EPM2A: variants seen among roughly 807,000 people sequenced by gnomAD.
EPM2A encodes the protein laforin.
In EPM2A, 21 loss-of-function variants were observed where a neutral mutation model predicts 26.5. The ratio of observed to expected loss-of-function variants is 0.79; its 90% CI spans 0.56 to 1.14. EPM2A has a LOEUF of 1.14. Among genes scored for constraint, EPM2A ranks in the 50% most tolerant of loss-of-function variants. The pLI is 0.00. For synonymous variants in EPM2A, 217 were observed against 177.6 expected (o/e 1.22, Z -1.76); for missense variants, 458 against 440.8 (o/e 1.04, Z -0.35).
chr6:145,484,986 T>C (rs1035798195), intron 4 of EPM2A, among the ~76,000 whole-genome samples: 6 of 104,976 alleles, frequency 5.7e-5, no homozygotes, highest in Non-Finnish European at 1.2e-4. Flanking sequence ...ATTAATGACA[T>C]TAAAATATAT....
intron 1 of EPM2A, chr6:145,705,881 T>C (rs1202497211): frequency 4.4e-6 from 2 of 456,584 alleles, no homozygotes; most frequent in Non-Finnish European, 8.8e-6. Context: ...TCGCCTGCCA[T>C]GCTCCAACAT....
intron 2 of EPM2A, among the ~76,000 whole-genome samples, chr6:145,647,568 G>A (rs1283872662): frequency 3.9e-5 from 6 of 152,124 alleles, no homozygotes; most frequent in Admixed American, 3.9e-4. Flanking sequence ...TTCATCGTCT[G>A]TATTGTGACT....
chr6:145,515,742 A>G (rs1003852784), intron 2 of EPM2A, among the ~76,000 whole-genome samples: 5 of 152,228 alleles, frequency 3.3e-5, no homozygotes, highest in Admixed American at 6.5e-5. Context: ...AACCACAGTA[A>G]GGCACCACAA....
chr6:145,725,931 T>C (rs1776183329), intron 1 of EPM2A, among the ~76,000 whole-genome samples: 2 of 152,096 alleles, frequency 1.3e-5, no homozygotes, highest in African/African-American at 4.8e-5. Context: ...TATAAATGTA[T>C]ATTTCTTTGT....
intron 2 of EPM2A, among the ~76,000 whole-genome samples, chr6:145,605,193 G>C (rs1428311715): frequency 6.6e-6 from 1 of 152,124 alleles, no homozygotes; most frequent in African/African-American, 2.4e-5. Context: ...ATTTTCCTTT[G>C]AGAGTCAGCT....
At chr6:145,599,953 C>A (rs923354403) in intron 2 of EPM2A, among the ~76,000 whole-genome samples, 11 of 151,928 alleles carry the variant, frequency 7.2e-5, no homozygotes, top group Non-Finnish European at 1.6e-4. Context: ...AATTTCTGGG[C>A]AAATAATAGT....
chr6:145,594,479 A>T (rs1254864244), intron 2 of EPM2A, among the ~76,000 whole-genome samples: 3 of 151,840 alleles, frequency 2.0e-5, no homozygotes, highest in African/African-American at 7.2e-5. Flanking sequence ...TTAATGCTGG[A>T]ACTCGATAGA....
intron 4 of EPM2A, among the ~76,000 whole-genome samples, chr6:145,464,956 G>A (rs1344809431): frequency 2.0e-5 from 3 of 151,974 alleles, no homozygotes; most frequent in South Asian, 4.2e-4. Flanking sequence ...ATGTGTCTTG[G>A]TGTTGCTCTT....
At chr6:145,525,003 C>A (rs1447110244) in intron 2 of EPM2A, among the ~76,000 whole-genome samples, 1 of 152,098 alleles carries the variant, frequency 6.6e-6, no homozygotes, top group Non-Finnish European at 1.5e-5. Context: ...CCAGTTATCT[C>A]AGCACAGTTT....
chr6:145,416,242 A>T (rs2114679266), intron 4 of EPM2A, among the ~76,000 whole-genome samples: 1 of 121,368 alleles, frequency 8.2e-6, no homozygotes, highest in South Asian at 4.0e-4. Flanking sequence ...TCTTTTTCAA[A>T]ACAGGCAGGC....
intron 1 of EPM2A, among the ~76,000 whole-genome samples, chr6:145,691,741 A>G (rs1383899472): frequency 6.6e-6 from 1 of 152,116 alleles, no homozygotes; most frequent in Non-Finnish European, 1.5e-5. Context: ...AATATACATA[A>G]TGTATATAGA....
chr6:145,644,573 T>C (rs1291051061), intron 2 of EPM2A, among the ~76,000 whole-genome samples: 1 of 152,180 alleles, frequency 6.6e-6, no homozygotes, highest in Non-Finnish European at 1.5e-5. Context: ...CAGTCAGGGA[T>C]ATCAAAAATT....
At position 145,666,484 on chromosome 6, in the gene EPM2A, C is replaced by T. The variant is rs573998828; in HGVS notation, c.476+19638G>A. ...ATGTGAAGGACCTCTTCAAGGAGAA[C>T]TACAAACCACTGCTCAAGGAAATAA... On this transcript the variant is annotated intron_variant, in intron 2 of 3. Transcript: ENST00000367519. Among the ~76,000 whole-genome samples the T allele has an allele frequency of 1.4e-3, 97 of 67,040 alleles. 2 individuals carry two copies. The highest frequency in any genetic ancestry group is 7.8e-3 in the African/African-American group (91 of 11,672). 44.0% of individuals were successfully genotyped at this position (67,040 alleles called of 152,430 possible). A position where few individuals can be genotyped will look rare whatever the true frequency, so the allele number is the denominator to read the frequency against.
At chr6:145,596,112 C>T (rs1305109813) in intron 2 of EPM2A, among the ~76,000 whole-genome samples, 4 of 152,142 alleles carry the variant, frequency 2.6e-5, no homozygotes, top group Admixed American at 6.6e-5. Context: ...TCCAAGACTA[C>T]GTATTATCAT....
At chr6:145,670,171 T>TG (rs1245785009) in intron 2 of EPM2A, among the ~76,000 whole-genome samples, 1 of 152,208 alleles carries the variant, frequency 6.6e-6, no homozygotes, top group Non-Finnish European at 1.5e-5. Flanking sequence ...CATGAAAATA[T>TG]TCTGCTATGG....
In EPM2A at chr6:145,657,943, G is replaced by A. The variant is rs527468184; in HGVS notation, c.477-22457C>T. On this transcript the variant is annotated intron_variant, in intron 2 of 3. Transcript: ENST00000367519. ...CCTAAAGTGATAGTACCAACCTCCCGTCAGCTTAGTATATCATAAGACTGT... is the reference window on the plus strand; with the variant it reads ...CCTAAAGTGATAGTACCAACCTCCCATCAGCTTAGTATATCATAAGACTGT... 7.9e-5 allele frequency among the ~76,000 whole-genome samples: 12 copies of A among 152,182 alleles called. No homozygotes were observed. In the South Asian group the frequency reaches 1.0e-3, roughly 13 times the overall value.
chr6:145,659,932 T>C (rs1778566325), intron 2 of EPM2A, among the ~76,000 whole-genome samples: 1 of 152,210 alleles, frequency 6.6e-6, no homozygotes, highest in Non-Finnish European at 1.5e-5. Context: ...TTAAAATCCA[T>C]AAATATCATC....
intron 2 of EPM2A, among the ~76,000 whole-genome samples, chr6:145,591,449 A>G (rs1274942678): frequency 6.6e-6 from 1 of 152,158 alleles, no homozygotes. Context: ...AATTACTAAA[A>G]TAAGCCAAGG....
At chr6:145,440,667 A>G (rs973985573) in intron 4 of EPM2A, among the ~76,000 whole-genome samples, 1 of 152,220 alleles carries the variant, frequency 6.6e-6, no homozygotes, top group Admixed American at 6.5e-5. Context: ...AAATGGGAGA[A>G]ACTGGTCAAA....
Sources: allele counts gnomAD v4.1 joint callset (sites outside exome capture counted in the v4.1 genomes callset), GRCh38; gene constraint gnomAD v4.1.1; transcripts MANE v1.5; gene names NCBI Gene and HGNC (gene_info 2026-07-23, HGNC 2026-07-21).